The following RBFOX1 variants were observed in gnomAD, a reference collection of about 807,000 sequenced individuals.
RBFOX1 encodes RNA binding protein fox-1 homolog 1.
A neutral mutation model predicts 57.7 loss-of-function variants in RBFOX1; 8 were observed. That is an observed-to-expected ratio of 0.14 (90% CI 0.08 to 0.25). The LOEUF (loss-of-function observed/expected upper bound fraction) is 0.25, where lower values mean the gene tolerates loss of function less well. Among genes scored for constraint, RBFOX1 ranks in the 10% least tolerant of loss-of-function variants. RBFOX1 has a pLI of 1.00. For missense variants in RBFOX1, 611 were observed against 548.5 expected (o/e 1.11, Z -1.14); for synonymous variants, 326 against 222.4 (o/e 1.47, Z -4.15).
chr16:6,197,169 C>G (rs1598289226), intron 1 of RBFOX1, among the ~76,000 whole-genome samples: 1 of 152,160 alleles, frequency 6.6e-6, no homozygotes, highest in East Asian at 1.9e-4. Context: ...GCTGTGGATA[C>G]TATGCATACG....
At chr16:5,814,023 G>A (rs1462755718) in intron 3 of RBFOX1, among the ~76,000 whole-genome samples, 2 of 152,164 alleles carry the variant, frequency 1.3e-5, no homozygotes, top group African/African-American at 2.4e-5. Context: ...AAGCAATTAG[G>A]ATAGTAATGG....
At chr16:6,580,164 A>C (rs2097515321) in intron 2 of RBFOX1, among the ~76,000 whole-genome samples, 1 of 151,994 alleles carries the variant, frequency 6.6e-6, no homozygotes, top group African/African-American at 2.4e-5. Flanking sequence ...TCACCATGTC[A>C]GCCAGGCTGG....
At chr16:6,861,823 GTTTTTTTTTT>G (rs35138717) in intron 3 of RBFOX1, among the ~76,000 whole-genome samples, 1 of 92,458 alleles carries the variant, frequency 1.1e-5, no homozygotes, top group African/African-American at 4.3e-5. Context: ...GCGTCCCTTG[GTTTTTTTTTT>G]TTTTTTTTTT....
At position 6,910,747 on chromosome 16, in the gene RBFOX1, C is replaced by T. The variant is rs1387742014; in HGVS notation, c.-15-141310C>T. ...TTTCCTAAAGTAGCGGAGAGGAGGC[C>T]TGGGAAGATTACACAGCAAAACCAT... On this transcript the variant is annotated intron_variant, in intron 3 of 15. Transcript: ENST00000550418. Among the ~76,000 whole-genome samples, 5 of 152,270 alleles carry T rather than the reference C, an allele frequency of 3.3e-5. No homozygotes were observed. In the East Asian group the frequency reaches 9.6e-4, roughly 29 times the overall value.
intron 2 of RBFOX1, among the ~76,000 whole-genome samples, chr16:6,574,892 GGCA>G (rs1567736581): frequency 2.6e-5 from 4 of 151,370 alleles, no homozygotes; most frequent in African/African-American, 9.7e-5. Context: ...CAAAAAATTT[GGCA>G]GGCGTGGTGG....
intron 1 of RBFOX1, among the ~76,000 whole-genome samples, chr16:5,248,506 G>C (rs1337088306): frequency 1.3e-5 from 2 of 152,312 alleles, no homozygotes; most frequent in East Asian, 3.9e-4. Context: ...GCCTAGCACA[G>C]GGTTCCTGCC....
At chr16:6,379,608 A>T (rs73532325) in intron 2 of RBFOX1, among the ~76,000 whole-genome samples, 2,271 of 152,030 alleles carry the variant, frequency 0.015, 64 homozygotes, top group African/African-American at 0.051. Flanking sequence ...ACAAGAGAAG[A>T]ATCATTCATG....
chr16:7,486,668 G>C (rs2065480088), intron 4 of RBFOX1, among the ~76,000 whole-genome samples: 2 of 152,102 alleles, frequency 1.3e-5, no homozygotes, highest in African/African-American at 2.4e-5. Context: ...TAGAAGGTAT[G>C]TGTTATGATC....
chr16:5,428,254 G>A (rs956790178), intron 1 of RBFOX1, among the ~76,000 whole-genome samples: 2 of 152,112 alleles, frequency 1.3e-5, no homozygotes, highest in Admixed American at 6.5e-5. Flanking sequence ...AGCCAGAGAG[G>A]TACAAACTTG....
chr16:5,565,136 A>G (rs1327319011), intron 2 of RBFOX1, among the ~76,000 whole-genome samples: 1 of 152,194 alleles, frequency 6.6e-6, no homozygotes, highest in Non-Finnish European at 1.5e-5. Context: ...TCAGTGGGAT[A>G]CTAAGTGGCA....
At chr16:6,948,599 C>G (rs538024414) in intron 3 of RBFOX1, among the ~76,000 whole-genome samples, 11 of 151,880 alleles carry the variant, frequency 7.2e-5, no homozygotes, top group Non-Finnish European at 1.5e-4. Flanking sequence ...CCAGACTGGT[C>G]TTGAACTGCT....
chr16:6,783,261 C>A (rs1343296657), intron 3 of RBFOX1, among the ~76,000 whole-genome samples: 21 of 151,158 alleles, frequency 1.4e-4, no homozygotes, highest in Admixed American at 1.4e-3. Flanking sequence ...TGAGGACTTA[C>A]TACCGCCATT....
chr16:7,373,068 A>C (rs1379542136), intron 4 of RBFOX1, among the ~76,000 whole-genome samples: 1 of 151,760 alleles, frequency 6.6e-6, no homozygotes, highest in Non-Finnish European at 1.5e-5. Flanking sequence ...AGTAGCTGGG[A>C]CTACAGGTGC....
At chr16:7,083,634 C>G (rs2153801139) in intron 4 of RBFOX1, among the ~76,000 whole-genome samples, 1 of 152,274 alleles carries the variant, frequency 6.6e-6, no homozygotes, top group East Asian at 1.9e-4. Context: ...TTACATTATT[C>G]ATTTTTAATC....
intron 4 of RBFOX1, among the ~76,000 whole-genome samples, chr16:7,213,467 T>C (rs540616725): frequency 6.6e-5 from 10 of 152,126 alleles, no homozygotes; most frequent in African/African-American, 1.7e-4. Context: ...AATCAGACTT[T>C]AATAGATCTG....
chr16:6,781,955 C>T (rs111581952), intron 3 of RBFOX1, among the ~76,000 whole-genome samples: 1 of 152,020 alleles, frequency 6.6e-6, no homozygotes, highest in Admixed American at 6.6e-5. Flanking sequence ...TTAGCCTGCT[C>T]TTACTTTTCT....
At chr16:5,475,658 G>GT (rs2069295938) in intron 2 of RBFOX1, among the ~76,000 whole-genome samples, 1 of 152,336 alleles carries the variant, frequency 6.6e-6, no homozygotes, top group Non-Finnish European at 1.5e-5. Context: ...CCTAATCTTT[G>GT]TGACAACCCA....
chr16:6,968,331 A>T (rs939189569), intron 3 of RBFOX1, among the ~76,000 whole-genome samples: 31 of 152,232 alleles, frequency 2.0e-4, no homozygotes, highest in African/African-American at 7.0e-4. Flanking sequence ...AAACAATGCA[A>T]ACATTTCATT....
chr16:6,919,118 T>A (rs2073902592), intron 3 of RBFOX1, among the ~76,000 whole-genome samples: 1 of 152,134 alleles, frequency 6.6e-6, no homozygotes, highest in African/African-American at 2.4e-5. Context: ...TAGCTGGGAT[T>A]ACAGGCACCT....
Sources: allele counts gnomAD v4.1 joint callset (sites outside exome capture counted in the v4.1 genomes callset), GRCh38; gene constraint gnomAD v4.1.1; transcripts MANE v1.5; gene names NCBI Gene and HGNC (gene_info 2026-07-23, HGNC 2026-07-21).